The following EPB41L4A variants were observed in gnomAD, a reference collection of about 807,000 sequenced individuals.
EPB41L4A encodes the protein erythrocyte membrane protein band 4.1 like 4A.
EPB41L4A carries 100 observed loss-of-function variants against 108.6 expected under a neutral mutation model. The ratio of observed to expected loss-of-function variants is 0.92; its 90% CI spans 0.78 to 1.09. EPB41L4A has a LOEUF of 1.09. EPB41L4A is among the 50% of genes least tolerant of loss of function. EPB41L4A has a pLI of 0.00. For synonymous variants in EPB41L4A, 319 were observed against 289.0 expected (o/e 1.10, Z -1.05); for missense variants, 1,030 against 842.7 (o/e 1.22, Z -2.75).
In EPB41L4A at chr5:112,349,342, T is replaced by C. The variant is rs985851240; in HGVS notation, c.100-41852A>G. Among the ~76,000 whole-genome samples, 4 of 152,004 alleles carry C rather than the reference T, an allele frequency of 2.6e-5. 1 individual carries two copies. Among genetic ancestry groups the C allele is most frequent in the African/African-American group, 4.8e-5 (2 of 41,382 alleles). On this transcript the variant is annotated intron_variant, in intron 1 of 22. Transcript: ENST00000261486. ...AGATAACCAACTGGAGAAGTGAACCTTGGAAAGAGGCAGGGCCTCTGCACT... is the reference window on the plus strand; with the variant it reads ...AGATAACCAACTGGAGAAGTGAACCCTGGAAAGAGGCAGGGCCTCTGCACT...
At chr5:112,241,965 A>G (rs1749817962) in intron 9 of EPB41L4A, among the ~76,000 whole-genome samples, 2 of 152,248 alleles carry the variant, frequency 1.3e-5, no homozygotes, top group Non-Finnish European at 2.9e-5. Context: ...ATTTAAAAAT[A>G]CTTCATTGGT....
chr5:112,354,500 A>G (rs1270468488), intron 1 of EPB41L4A, among the ~76,000 whole-genome samples: 1 of 152,198 alleles, frequency 6.6e-6, no homozygotes, highest in Non-Finnish European at 1.5e-5. Flanking sequence ...GCTCTGTGGT[A>G]AGGAGAAAGT....
At chr5:112,221,503 C>T (rs1748045796) in intron 12 of EPB41L4A, among the ~76,000 whole-genome samples, 1 of 152,218 alleles carries the variant, frequency 6.6e-6, no homozygotes, top group Non-Finnish European at 1.5e-5. Context: ...AAAATGGGAA[C>T]ACCACTAACT....
intron 18 of EPB41L4A, among the ~76,000 whole-genome samples, chr5:112,181,773 A>G (rs997648913): frequency 2.0e-5 from 3 of 152,186 alleles, no homozygotes; most frequent in Non-Finnish European, 4.4e-5. Context: ...AAAACTCATC[A>G]TAGATATCAG....
At chr5:112,354,158 G>A (rs1437609316) in intron 1 of EPB41L4A, among the ~76,000 whole-genome samples, 1 of 152,188 alleles carries the variant, frequency 6.6e-6, no homozygotes, top group Non-Finnish European at 1.5e-5. Flanking sequence ...TCTGAGCATT[G>A]ATGTGTATAC....
intron 3 of EPB41L4A, among the ~76,000 whole-genome samples, chr5:112,279,691 G>C (rs926952527): frequency 6.6e-6 from 1 of 151,932 alleles, no homozygotes; most frequent in African/African-American, 2.4e-5. Context: ...TAAAAACTTG[G>C]GTTCTGGAAA....
At chr5:112,167,106 C>A (rs1760292101) in intron 22 of EPB41L4A, among the ~76,000 whole-genome samples, 3 of 106,166 alleles carry the variant, frequency 2.8e-5, no homozygotes, top group African/African-American at 8.1e-5. Flanking sequence ...TGTATTGAAA[C>A]CAACTAAAAT....
intron 12 of EPB41L4A, among the ~76,000 whole-genome samples, chr5:112,216,204 A>G (rs916306517): frequency 3.9e-5 from 6 of 152,194 alleles, no homozygotes; most frequent in Non-Finnish European, 8.8e-5. Flanking sequence ...ATCTGGGGGC[A>G]ATTCTTAAAA....
chr5:112,158,032 A>G (rs1467114129), downstream of EPB41L4A, among the ~76,000 whole-genome samples: 3 of 152,228 alleles, frequency 2.0e-5, no homozygotes, highest in Non-Finnish European at 4.4e-5. Context: ...AGGCTGAAGC[A>G]GACAGGGGAG....
At chr5:112,187,366 G>C (rs972051555) in intron 17 of EPB41L4A, among the ~76,000 whole-genome samples, 1 of 152,110 alleles carries the variant, frequency 6.6e-6, no homozygotes, top group Non-Finnish European at 1.5e-5. Flanking sequence ...CAAGGTTTTT[G>C]TTTTTCAGTT....
chr5:112,195,026 G>C (rs988204719), intron 16 of EPB41L4A, among the ~76,000 whole-genome samples: 1 of 152,114 alleles, frequency 6.6e-6, no homozygotes, highest in African/African-American at 2.4e-5. Context: ...GAGACGTAGA[G>C]TTTATTTCCC....
At chr5:112,236,449 C>G (rs1260082955) in intron 11 of EPB41L4A, among the ~76,000 whole-genome samples, 1 of 152,194 alleles carries the variant, frequency 6.6e-6, no homozygotes, top group African/African-American at 2.4e-5. Flanking sequence ...TGTAAAAATC[C>G]TTGCAGCCTC....
rs537210607 is a variant in EPB41L4A at position 112,283,987 on chromosome 5, G to A, written c.205-3664C>T. ...TGGGAGATAACAGAGCCTTAAATCT[G>A]TATAAAGTACATGTCTATCAGCTCA... On this transcript the variant is annotated intron_variant, in intron 2 of 22. Coordinates refer to ENST00000261486, the MANE Select transcript of EPB41L4A (RefSeq NM_022140.5). 5.9e-5 allele frequency among the ~76,000 whole-genome samples: 9 copies of A among 152,306 alleles called. No homozygotes were observed. The South Asian group carries it at 1.9e-3, about 32-fold the overall frequency.
At chr5:112,216,902 T>C (rs547568466) in intron 12 of EPB41L4A, among the ~76,000 whole-genome samples, 2 of 152,324 alleles carry the variant, frequency 1.3e-5, no homozygotes, top group African/African-American at 4.8e-5. Flanking sequence ...AAACATTCTT[T>C]TTCTATACCA....
rs182079011 is a variant in EPB41L4A, at chr5:112,152,740, A to G, written n.994+5661T>C. Among the ~76,000 whole-genome samples, 191 of 152,346 alleles carry G rather than the reference A, an allele frequency of 1.3e-3. 1 individual carries two copies. The highest frequency in any genetic ancestry group is 4.1e-3 in the African/African-American group (170 of 41,582). On this transcript the variant is annotated intron_variant and non_coding_transcript_variant, in intron 12 of 13. Transcript: ENST00000507810. ...TATAAGGACACAAAAATGGAAAGTA[A>G]TAGGAGGAAAAAAGATAAAGCACAC...
chr5:112,321,622 T>C (rs976101162), intron 1 of EPB41L4A, among the ~76,000 whole-genome samples: 1 of 152,226 alleles, frequency 6.6e-6, no homozygotes, highest in African/African-American at 2.4e-5. Flanking sequence ...TTCAAGTTAC[T>C]CATTTGGGGA....
intron 1 of EPB41L4A, among the ~76,000 whole-genome samples, chr5:112,397,418 A>G (rs1245910679): frequency 6.6e-6 from 1 of 152,224 alleles, no homozygotes; most frequent in Non-Finnish European, 1.5e-5. Flanking sequence ...AGTATCTACT[A>G]AGCACCAAAC....
intron 1 of EPB41L4A, among the ~76,000 whole-genome samples, chr5:112,410,188 CAG>C (rs1029386162): frequency 9.2e-5 from 14 of 152,102 alleles, no homozygotes; most frequent in Admixed American, 6.5e-4. Flanking sequence ...GTGGAAAATT[CAG>C]AGACTAGGAA....
chr5:112,230,001 A>G (rs890270205), intron 12 of EPB41L4A, among the ~76,000 whole-genome samples: 4 of 151,922 alleles, frequency 2.6e-5, no homozygotes, highest in Non-Finnish European at 4.4e-5. Flanking sequence ...AAAAAAAAAA[A>G]AAAGAATAAT....
Sources: gnomAD v4.1 joint callset for allele counts (sites outside exome capture counted in the v4.1 genomes callset) on GRCh38, gnomAD v4.1.1 for gene constraint, MANE v1.5 for transcripts, NCBI Gene and HGNC (gene_info 2026-07-23, HGNC 2026-07-21) for gene names.